The following CHN2 variants were observed in gnomAD, a reference collection of about 807,000 sequenced individuals.
CHN2 encodes beta-chimaerin.
CHN2 carries 35 observed loss-of-function variants against 56.3 expected under a neutral mutation model. That is an observed-to-expected ratio of 0.62 (90% CI 0.47 to 0.82). The LOEUF is 0.82. Ranked by LOEUF, CHN2 falls within the 40% of genes least tolerant of loss-of-function variation. CHN2 has a pLI of 0.00. For synonymous variants in CHN2, 210 were observed against 212.8 expected, an observed-to-expected ratio of 0.99 and a Z score of 0.12; for missense variants, 491 against 580.5, an observed-to-expected ratio of 0.85 and a Z score of 1.58.
intron 5 of CHN2, among the ~76,000 whole-genome samples, chr7:29,400,081 A>G (rs917655497): frequency 2.6e-5 from 4 of 152,196 alleles, no homozygotes; most frequent in African/African-American, 7.2e-5. Context: ...AGGGGGCATC[A>G]GGACCAGGAC....
At chr7:29,402,674 G>C (rs1802311081) in intron 6 of CHN2, among the ~76,000 whole-genome samples, 1 of 152,166 alleles carries the variant, frequency 6.6e-6, no homozygotes, top group South Asian at 2.1e-4. Context: ...CACTAGAACA[G>C]CTCAAGGAAA....
intron 1 of CHN2, among the ~76,000 whole-genome samples, chr7:29,296,176 C>T (rs900029633): frequency 6.6e-6 from 1 of 151,850 alleles, no homozygotes; most frequent in African/African-American, 2.4e-5. Context: ...CTCCACCTCC[C>T]AGGTTCAAGA....
intron 1 of CHN2, among the ~76,000 whole-genome samples, chr7:29,292,589 T>C (rs1317153913): frequency 1.3e-5 from 2 of 152,254 alleles, no homozygotes; most frequent in Middle Eastern, 3.2e-3. Context: ...CAGATTTTTA[T>C]GTATTCACTG....
intron 3 of CHN2, among the ~76,000 whole-genome samples, chr7:29,391,065 CCT>C (rs900271981): frequency 6.6e-5 from 10 of 151,244 alleles, no homozygotes; most frequent in South Asian, 2.1e-4. Context: ...TTGATCCCAG[CCT>C]CTCTCTCTCT....
intron 1 of CHN2, among the ~76,000 whole-genome samples, chr7:29,323,919 G>A (rs942953764): frequency 6.6e-6 from 1 of 152,064 alleles, no homozygotes; most frequent in African/African-American, 2.4e-5. Context: ...CAGGAGAATG[G>A]CGTGAACCCG....
chr7:29,297,092 G>A (rs1793219338), intron 1 of CHN2, among the ~76,000 whole-genome samples: 1 of 152,186 alleles, frequency 6.6e-6, no homozygotes, highest in Non-Finnish European at 1.5e-5. Flanking sequence ...ACACTTTGAA[G>A]AGTGAGAAAA....
intron 6 of CHN2, among the ~76,000 whole-genome samples, chr7:29,401,885 G>T (rs1459754230): frequency 6.6e-6 from 1 of 152,170 alleles, no homozygotes; most frequent in African/African-American, 2.4e-5. Context: ...CATCTGCTTT[G>T]CCTGGTCCTA....
At chr7:29,155,272 C>T (rs1438749429) in intron 2 of CHN2, among the ~76,000 whole-genome samples, 2 of 152,054 alleles carry the variant, frequency 1.3e-5, no homozygotes, top group Admixed American at 1.3e-4. Flanking sequence ...AAAACAACTA[C>T]ATTTTAACAA....
chr7:29,348,269 G>T (rs1489210146), intron 1 of CHN2, among the ~76,000 whole-genome samples: 1 of 152,134 alleles, frequency 6.6e-6, no homozygotes, highest in African/African-American at 2.4e-5. Flanking sequence ...GACCAGAACA[G>T]CAGCATCATC....
intron 2 of CHN2, among the ~76,000 whole-genome samples, chr7:29,177,632 CTGTT>C (rs1279739761): frequency 6.6e-6 from 1 of 151,122 alleles, no homozygotes; most frequent in African/African-American, 2.4e-5. Flanking sequence ...CTTCTTCCAT[CTGTT>C]TATCTATCTG....
intron 1 of CHN2, among the ~76,000 whole-genome samples, chr7:29,265,443 T>G (rs1395863057): frequency 6.6e-6 from 1 of 152,244 alleles, no homozygotes; most frequent in African/African-American, 2.4e-5. Context: ...TGAGTTTGAC[T>G]TCTGCCTCCT....
intron 6 of CHN2, among the ~76,000 whole-genome samples, chr7:29,443,042 G>A (rs1002174166): frequency 1.4e-5 from 2 of 147,166 alleles, no homozygotes; most frequent in Middle Eastern, 3.6e-3. Flanking sequence ...CCGGGTTCAC[G>A]CCATTCTCCT....
At chr7:29,480,894 G>A (rs1562642885) in intron 7 of CHN2, among the ~76,000 whole-genome samples, 3 of 152,262 alleles carry the variant, frequency 2.0e-5, no homozygotes, top group Admixed American at 6.5e-5. Context: ...GGCTAGCAGG[G>A]GGGGCACCCT....
intron 2 of CHN2, among the ~76,000 whole-genome samples, chr7:29,157,299 C>T (rs1584467231): frequency 1.3e-5 from 2 of 152,066 alleles, no homozygotes. Flanking sequence ...AGTACTGCAT[C>T]TTTAATCAAC....
chr7:29,263,695 TGAG>T (rs1462181273), intron 1 of CHN2, among the ~76,000 whole-genome samples: 1 of 150,528 alleles, frequency 6.6e-6, no homozygotes, highest in African/African-American at 2.5e-5. Context: ...GTCTAGGAAG[TGAG>T]GAGTGTCTCT....
chr7:29,169,604 T>C (rs1413301023), intron 2 of CHN2, among the ~76,000 whole-genome samples: 2 of 152,128 alleles, frequency 1.3e-5, no homozygotes, highest in African/African-American at 4.8e-5. Context: ...AACAGGACCA[T>C]TGGCTTTTTC....
chr7:29,339,109 T>G (rs1334201384), intron 1 of CHN2, among the ~76,000 whole-genome samples: 2 of 152,346 alleles, frequency 1.3e-5, no homozygotes, highest in Non-Finnish European at 2.9e-5. Context: ...AGACTTGAAA[T>G]GATGTTAATC....
intron 1 of CHN2, among the ~76,000 whole-genome samples, chr7:29,306,940 T>A (rs189032147): frequency 2.0e-5 from 3 of 152,332 alleles, no homozygotes; most frequent in Admixed American, 2.0e-4. Context: ...GCTCTCAGCG[T>A]TAAAGATGTG....
intron 6 of CHN2, among the ~76,000 whole-genome samples, chr7:29,420,879 G>A (rs1804269861): frequency 6.7e-6 from 1 of 149,306 alleles, no homozygotes; most frequent in Non-Finnish European, 1.5e-5. Context: ...GTGCCATCTT[G>A]GCTCACTGCA....
Sources: allele counts gnomAD v4.1 joint callset (sites outside exome capture counted in the v4.1 genomes callset), GRCh38; gene constraint gnomAD v4.1.1; transcripts MANE v1.5; gene names NCBI Gene and HGNC (gene_info 2026-07-23, HGNC 2026-07-21).